Variants in LAMA2 observed in about 807,000 individuals in gnomAD.
LAMA2 encodes the protein laminin subunit alpha 2, also known as laminin subunit alpha-2.
LAMA2 carries 269 observed loss-of-function variants against 364.8 expected under a neutral mutation model. The observed-to-expected ratio is 0.74, with a 90% CI of 0.67 to 0.82. The LOEUF (loss-of-function observed/expected upper bound fraction) is 0.82, where lower values mean the gene tolerates loss of function less well. Among genes scored for constraint, LAMA2 ranks in the 40% least tolerant of loss-of-function variants. The probability of loss-of-function intolerance (pLI) is 0.00; values close to 1 mark genes in which losing one functional copy is unlikely to be tolerated. For missense variants in LAMA2, 3,807 were observed against 3,873.2 expected (o/e 0.98, Z 0.45); for synonymous variants, 1,379 against 1,370.6 (o/e 1.01, Z -0.14).
intron 1 of LAMA2, among the ~76,000 whole-genome samples, chr6:128,921,575 C>T (rs112900686): frequency 0.024 from 3,580 of 152,086 alleles, 130 homozygotes; most frequent in African/African-American, 0.083. Context: ...GGTGCATCCA[C>T]AAGCCAAGCA....
Position 129,229,100 on chromosome 6 carries a change from A to T in LAMA2, c.1783-21012A>T, listed in dbSNP as rs1298266654. Among the ~76,000 whole-genome samples the T allele has an allele frequency of 2.0e-5, 3 of 152,330 alleles. No homozygotes were observed. The East Asian group carries it at 5.8e-4, about 29-fold the overall frequency. ...GCCAGAAACTTTCTAGTTTCCAAACAGTGAATACAACTTAGACCTCATGAA... is the reference window on the plus strand; with the variant it reads ...GCCAGAAACTTTCTAGTTTCCAAACTGTGAATACAACTTAGACCTCATGAA... On this transcript the variant is annotated intron_variant, in intron 12 of 64. Transcript: ENST00000421865.
chr6:129,337,763 C>T (rs1168768401), intron 29 of LAMA2, among the ~76,000 whole-genome samples: 1 of 151,936 alleles, frequency 6.6e-6, no homozygotes, highest in African/African-American at 2.4e-5. Flanking sequence ...CTAATATATT[C>T]TGATGTATTA....
chr6:129,052,758 C>CTT (rs998721643), intron 2 of LAMA2, among the ~76,000 whole-genome samples: 1 of 149,180 alleles, frequency 6.7e-6, no homozygotes, highest in African/African-American at 2.5e-5. Context: ...TTTCATTGCT[C>CTT]TTTTTTTTTT....
intron 4 of LAMA2, among the ~76,000 whole-genome samples, chr6:129,142,060 T>C (rs1018594548): frequency 1.3e-5 from 2 of 152,092 alleles, no homozygotes; most frequent in African/African-American, 2.4e-5. Flanking sequence ...CATTCTTTTT[T>C]ATGGTTGCAG....
At chr6:129,460,066 A>T in intron 48 of LAMA2, 134 bp from the exon 49 acceptor site, 2 of 834,866 alleles carry the variant, frequency 2.4e-6, no homozygotes, top group Non-Finnish European at 4.1e-6. Context: ...AAAGATGAAT[A>T]TGTACATATG....
chr6:128,994,042 T>C (rs1027966136), intron 1 of LAMA2, among the ~76,000 whole-genome samples: 10 of 152,182 alleles, frequency 6.6e-5, no homozygotes, highest in Admixed American at 2.0e-4. Flanking sequence ...AGAGAATAGA[T>C]ATTTATAACA....
intron 7 of LAMA2, among the ~76,000 whole-genome samples, chr6:129,151,278 A>G (rs1053711751): frequency 6.6e-6 from 1 of 152,230 alleles, no homozygotes; most frequent in African/African-American, 2.4e-5. Flanking sequence ...ACTCTTGACA[A>G]CACGAATTCT....
rs1286273137 is a variant in LAMA2, at chr6:129,300,794, C to T, written c.3096C>T (p.Cys1032=). ...NCDPKTGRCI[C]PPNTIGEKCS... ...ACCCAAAGACTGGGCGATGCATTTG[C>T]CCTCCCAATACCATTGGAGAGAAAT... Residue 1032 remains cysteine, a synonymous_variant, in exon 22 of 65, where the codon TGC becomes TGT. Coordinates refer to ENST00000421865, the MANE Select transcript of LAMA2 (RefSeq NM_000426.4). 6.2e-7 allele frequency: 1 copy of T among 1,613,134 alleles called. No homozygotes were observed. The highest frequency in any genetic ancestry group is 1.3e-5 in the African/African-American group (1 of 75,006).
chr6:129,061,516 A>G (rs1788911511), intron 3 of LAMA2, among the ~76,000 whole-genome samples: 1 of 152,152 alleles, frequency 6.6e-6, no homozygotes, highest in Non-Finnish European at 1.5e-5. Flanking sequence ...ATCATTTCTA[A>G]CTTGCCTGTT....
intron 8 of LAMA2, chr6:129,157,538 T>G: frequency 1.2e-6 from 2 of 1,612,360 alleles, no homozygotes; most frequent in Non-Finnish European, 1.7e-6. Context: ...TTTTTACATC[T>G]TGGGATTCAA....
chr6:129,039,979 G>T (rs1382026275), intron 1 of LAMA2, among the ~76,000 whole-genome samples: 3 of 152,156 alleles, frequency 2.0e-5, no homozygotes, highest in African/African-American at 4.8e-5. Context: ...GTAAAGTAAG[G>T]TTAGGATATC....
At chr6:129,410,171 T>C (rs2114709260) in intron 40 of LAMA2, among the ~76,000 whole-genome samples, 1 of 152,326 alleles carries the variant, frequency 6.6e-6, no homozygotes, top group Middle Eastern at 3.4e-3. Flanking sequence ...TTCAAGATAA[T>C]GGAAAATTAT....
intron 52 of LAMA2, among the ~76,000 whole-genome samples, chr6:129,474,404 A>G (rs1290149038): frequency 6.6e-6 from 1 of 152,162 alleles, no homozygotes; most frequent in Non-Finnish European, 1.5e-5. Flanking sequence ...TTGGCTCTGC[A>G]TTCATTGTAA....
At chr6:129,211,913 C>A (rs9375619) in intron 12 of LAMA2, among the ~76,000 whole-genome samples, 7 of 151,930 alleles carry the variant, frequency 4.6e-5, no homozygotes, top group African/African-American at 1.7e-4. Context: ...CTTTGGAGAC[C>A]TTAGGAACTT....
At chr6:129,332,883 A>ATTT (rs10590805) in intron 29 of LAMA2, among the ~76,000 whole-genome samples, 1 of 104,386 alleles carries the variant, frequency 9.6e-6, no homozygotes, top group Admixed American at 1.1e-4. Flanking sequence ...TAAGTTTACC[A>ATTT]TTTTTTTTTT....
At chr6:128,937,743 C>A (rs1453080384) in intron 1 of LAMA2, among the ~76,000 whole-genome samples, 1 of 151,662 alleles carries the variant, frequency 6.6e-6, no homozygotes, top group Non-Finnish European at 1.5e-5. Flanking sequence ...ACAATTCTTA[C>A]TTATATTGAT....
At chr6:129,492,625 A>G (rs1562615650) in intron 58 of LAMA2, 142 bp downstream of exon 58, 2 of 740,762 alleles carry the variant, frequency 2.7e-6, no homozygotes, top group African/African-American at 1.8e-5. Flanking sequence ...CTATTCTTAC[A>G]TCTTCATTGA....
intron 1 of LAMA2, among the ~76,000 whole-genome samples, chr6:128,987,140 G>GTTTTTTTTTTTTTTTTTT (rs764115716): frequency 8.2e-6 from 1 of 121,392 alleles, no homozygotes; most frequent in Admixed American, 1.0e-4. Context: ...TTTTTTTTTT[G>GTTTTTTTTTTTTTTTTTT]TTTTTTTTTT....
At chr6:129,140,982 G>T (rs1179839926) in intron 4 of LAMA2, among the ~76,000 whole-genome samples, 1 of 151,986 alleles carries the variant, frequency 6.6e-6, no homozygotes, top group Non-Finnish European at 1.5e-5. Context: ...AAGGTCCTTT[G>T]TATGTTTAAG....
Sources: allele counts gnomAD v4.1 joint callset (sites outside exome capture counted in the v4.1 genomes callset), GRCh38; gene constraint gnomAD v4.1.1; transcripts MANE v1.5; gene names NCBI Gene and HGNC (gene_info 2026-07-23, HGNC 2026-07-21).